The following NPFFR2 variants were observed in gnomAD, a reference collection of about 807,000 sequenced individuals.
The protein encoded by NPFFR2 is neuropeptide FF receptor 2.
NPFFR2 carries 15 observed loss-of-function variants against 13.1 expected under a neutral mutation model. The observed-to-expected ratio is 1.15, with a 90% CI of 0.77 to 1.76. The LOEUF is 1.76. NPFFR2 is among the 40% of genes most tolerant of loss of function. The pLI, the probability that NPFFR2 is intolerant of heterozygous loss-of-function variation, is 0.00. For synonymous variants in NPFFR2, 190 were observed against 175.7 expected, an observed-to-expected ratio of 1.08 and a Z score of -0.65; for missense variants, 572 against 503.5, an observed-to-expected ratio of 1.14 and a Z score of -1.30.
chr4:72,037,875 A>C (rs1719084656), intron 1 of NPFFR2, among the ~76,000 whole-genome samples: 2 of 152,194 alleles, frequency 1.3e-5, no homozygotes, highest in Admixed American at 1.3e-4. Context: ...CCCTTAACAC[A>C]GAAGTATCAA....
At chr4:72,090,967 T>C (rs1720901007) in intron 1 of NPFFR2, among the ~76,000 whole-genome samples, 1 of 152,166 alleles carries the variant, frequency 6.6e-6, no homozygotes, top group South Asian at 2.1e-4. Flanking sequence ...TTGTCATAGA[T>C]AGCTTTTATT....
chr4:72,055,226 T>C (rs1055718816), intron 1 of NPFFR2, among the ~76,000 whole-genome samples: 8 of 151,984 alleles, frequency 5.3e-5, no homozygotes, highest in Non-Finnish European at 1.2e-4. Flanking sequence ...AACAAGGCTA[T>C]CAGTGCCATG....
At chr4:72,125,578 G>C (rs1433250979) in intron 1 of NPFFR2, among the ~76,000 whole-genome samples, 1 of 152,158 alleles carries the variant, frequency 6.6e-6, no homozygotes, top group African/African-American at 2.4e-5. Flanking sequence ...CAAGATATTG[G>C]CAAGGCTGCG....
At chr4:72,048,163 A>G (rs560837493) in intron 1 of NPFFR2, among the ~76,000 whole-genome samples, 1 of 152,222 alleles carries the variant, frequency 6.6e-6, no homozygotes, top group East Asian at 1.9e-4. Flanking sequence ...GAGCATATGC[A>G]CTTTATTGGC....
chr4:72,111,349 G>A (rs968364528), intron 1 of NPFFR2, among the ~76,000 whole-genome samples: 13 of 151,972 alleles, frequency 8.6e-5, no homozygotes, highest in Admixed American at 8.5e-4. Flanking sequence ...GCTGTTCCTG[G>A]AAATTGAGAT....
At chr4:72,131,482 A>T (rs1380883724) in intron 2 of NPFFR2, among the ~76,000 whole-genome samples, 2 of 149,748 alleles carry the variant, frequency 1.3e-5, no homozygotes, top group Non-Finnish European at 3.0e-5. Flanking sequence ...GCACTAGGAG[A>T]TATACCTAAT....
At chr4:72,099,791 T>C (rs1265419755) in intron 1 of NPFFR2, among the ~76,000 whole-genome samples, 1 of 152,182 alleles carries the variant, frequency 6.6e-6, no homozygotes, top group Non-Finnish European at 1.5e-5. Context: ...CTTGGCATTT[T>C]ATTACTTTAC....
At chr4:72,079,801 G>T (rs1382428540) in intron 1 of NPFFR2, among the ~76,000 whole-genome samples, 1 of 152,174 alleles carries the variant, frequency 6.6e-6, no homozygotes, top group African/African-American at 2.4e-5. Flanking sequence ...GATTAGCTTT[G>T]CAGCATATGT....
chr4:72,142,773 T>C (rs547675390), intron 3 of NPFFR2, among the ~76,000 whole-genome samples: 3 of 152,236 alleles, frequency 2.0e-5, no homozygotes, highest in Non-Finnish European at 4.4e-5. Flanking sequence ...ATTTTAAGAT[T>C]GAAAATCATT....
chr4:72,082,020 G>A (rs28392506), intron 1 of NPFFR2, among the ~76,000 whole-genome samples: 3,967 of 152,244 alleles, frequency 0.026, 141 homozygotes, highest in African/African-American at 0.079. Flanking sequence ...GGAGTGGGAT[G>A]AGGGTTGGAG....
Position 72,128,835 on chromosome 4 carries a change from CTCTTCA to C in NPFFR2, c.249_254del (p.Phe83_Ile84del). On this transcript the variant is annotated inframe_deletion, in exon 2 of 4. Transcript: ENST00000308744. ...CAAACATATGCACACAGTCACTAAT[CTCTTCA>C]TCTTAAACCTGGCCATAAGTGATTT... 6.2e-7 allele frequency: 1 copy of C among 1,614,110 alleles called. No individual in the cohort carries two copies. The highest frequency in any genetic ancestry group is 8.5e-7 in the Non-Finnish European group (1 of 1,179,972).
intron 1 of NPFFR2, among the ~76,000 whole-genome samples, chr4:72,093,048 A>T (rs1307103768): frequency 1.3e-5 from 2 of 152,144 alleles, no homozygotes; most frequent in Non-Finnish European, 2.9e-5. Flanking sequence ...TTCTCTCAGC[A>T]TTGTTTATCT....
At chr4:72,114,833 T>A (rs1214244192) in intron 1 of NPFFR2, among the ~76,000 whole-genome samples, 1 of 152,142 alleles carries the variant, frequency 6.6e-6, no homozygotes, top group Non-Finnish European at 1.5e-5. Flanking sequence ...AAGGTTACCA[T>A]AAAGTCTCTG....
At chr4:72,133,390 A>G (rs1264487650) in intron 2 of NPFFR2, among the ~76,000 whole-genome samples, 1 of 152,180 alleles carries the variant, frequency 6.6e-6, no homozygotes, top group Non-Finnish European at 1.5e-5. Context: ...TACTAGTACC[A>G]TGCTATTTTC....
chr4:72,067,515 C>T (rs1046658681), intron 1 of NPFFR2, among the ~76,000 whole-genome samples: 1 of 152,116 alleles, frequency 6.6e-6, no homozygotes, highest in Non-Finnish European at 1.5e-5. Context: ...CTTGGGTATA[C>T]CGTTGGTTTT....
At chr4:72,047,505 C>G (rs1487849837) in intron 1 of NPFFR2, among the ~76,000 whole-genome samples, 1 of 152,070 alleles carries the variant, frequency 6.6e-6, no homozygotes, top group Non-Finnish European at 1.5e-5. Flanking sequence ...TTGATTTAAC[C>G]CTTTTCCAAG....
intron 2 of NPFFR2, among the ~76,000 whole-genome samples, chr4:72,131,029 A>G (rs1489604825): frequency 6.6e-6 from 1 of 151,972 alleles, no homozygotes; most frequent in Non-Finnish European, 1.5e-5. Flanking sequence ...CTCTCCAACC[A>G]TAGTCTCCAA....
chr4:72,127,642 C>A (rs565802075), intron 1 of NPFFR2, among the ~76,000 whole-genome samples: 4 of 151,350 alleles, frequency 2.6e-5, no homozygotes, highest in Admixed American at 2.6e-4. Context: ...GGATTACAGG[C>A]GTGAGCCACC....
intron 1 of NPFFR2, among the ~76,000 whole-genome samples, chr4:72,059,937 C>T (rs1234188493): frequency 6.6e-6 from 1 of 151,990 alleles, no homozygotes; most frequent in Non-Finnish European, 1.5e-5. Flanking sequence ...GTTATTTTTC[C>T]CCCCAGATAA....
Sources: gnomAD v4.1 joint callset for allele counts (sites outside exome capture counted in the v4.1 genomes callset) on GRCh38, gnomAD v4.1.1 for gene constraint, MANE v1.5 for transcripts, NCBI Gene and HGNC (gene_info 2026-07-23, HGNC 2026-07-21) for gene names.